MGAT4C: variants seen among roughly 807,000 people sequenced by gnomAD.
MGAT4C encodes the protein alpha-1,3-mannosyl-glycoprotein 4-beta-N-acetylglucosaminyltransferase C.
A neutral mutation model predicts 40.1 loss-of-function variants in MGAT4C; 19 were observed. The ratio of observed to expected loss-of-function variants is 0.47; its 90% CI spans 0.33 to 0.70. The LOEUF is 0.70. Among genes scored for constraint, MGAT4C ranks in the 30% least tolerant of loss-of-function variants. The probability of loss-of-function intolerance (pLI) is 0.02; values close to 1 mark genes in which losing one functional copy is unlikely to be tolerated. For synonymous variants in MGAT4C, 181 were observed against 187.1 expected (o/e 0.97, Z 0.27); for missense variants, 491 against 563.2 (o/e 0.87, Z 1.30).
At chr12:86,476,795 G>A (rs1957842463) in intron 2 of MGAT4C, among the ~76,000 whole-genome samples, 1 of 152,112 alleles carries the variant, frequency 6.6e-6, no homozygotes, top group African/African-American at 2.4e-5. Flanking sequence ...GATGGAACTG[G>A]AGGACACTGT....
At chr12:86,525,678 C>T (rs60091447) in intron 2 of MGAT4C, among the ~76,000 whole-genome samples, 69 of 152,240 alleles carry the variant, frequency 4.5e-4, no homozygotes, top group African/African-American at 1.7e-3. Flanking sequence ...ATTCAGCTGA[C>T]TGGCTTTATT....
intron 3 of MGAT4C, among the ~76,000 whole-genome samples, chr12:86,369,709 C>T (rs1955681130): frequency 6.6e-6 from 1 of 151,946 alleles, no homozygotes; most frequent in Admixed American, 6.6e-5. Flanking sequence ...CCTTTTTCAA[C>T]AGCATTGACA....
At chr12:86,277,980 T>C (rs1953118570) in intron 4 of MGAT4C, among the ~76,000 whole-genome samples, 1 of 152,186 alleles carries the variant, frequency 6.6e-6, no homozygotes, top group South Asian at 2.1e-4. Flanking sequence ...ACAGATTGCT[T>C]TGAGTAGTAT....
intron 2 of MGAT4C, among the ~76,000 whole-genome samples, chr12:86,589,781 T>C (rs1377037640): frequency 6.6e-6 from 1 of 151,982 alleles, no homozygotes; most frequent in Non-Finnish European, 1.5e-5. Context: ...CTCCAGCATA[T>C]AAACAGAACC....
chr12:86,232,603 A>C (rs1381512770), intron 1 of MGAT4C, among the ~76,000 whole-genome samples: 1 of 152,202 alleles, frequency 6.6e-6, no homozygotes, highest in African/African-American at 2.4e-5. Context: ...TGGTTGAATG[A>C]AATAAAACAT....
intron 2 of MGAT4C, among the ~76,000 whole-genome samples, chr12:86,640,900 T>C (rs1963360059): frequency 6.6e-6 from 1 of 151,996 alleles, no homozygotes; most frequent in Non-Finnish European, 1.5e-5. Flanking sequence ...AGTTTCCATG[T>C]AGTTGAGCGG....
At chr12:85,984,916 T>C (rs1335954436) in intron 3 of MGAT4C, among the ~76,000 whole-genome samples, 2 of 152,052 alleles carry the variant, frequency 1.3e-5, no homozygotes, top group African/African-American at 2.4e-5. Flanking sequence ...GTAGCTGGGA[T>C]TGCAGGCACA....
chr12:86,321,431 T>G (rs1376516910), intron 4 of MGAT4C, among the ~76,000 whole-genome samples: 2 of 152,198 alleles, frequency 1.3e-5, no homozygotes, highest in African/African-American at 4.8e-5. Flanking sequence ...CCAGACCAAA[T>G]GAAACTTTTC....
At chr12:86,713,218 A>G (rs1354194392) in intron 2 of MGAT4C, among the ~76,000 whole-genome samples, 1 of 152,058 alleles carries the variant, frequency 6.6e-6, no homozygotes. Flanking sequence ...GATGGTTTAC[A>G]TGTTGTTTTT....
At chr12:86,804,253 C>G (rs927196648) in intron 1 of MGAT4C, among the ~76,000 whole-genome samples, 3 of 124,422 alleles carry the variant, frequency 2.4e-5, no homozygotes, top group African/African-American at 9.3e-5. Context: ...ATATCACACT[C>G]TGGGGACTGT....
At chr12:86,551,227 G>A (rs1029405919) in intron 2 of MGAT4C, among the ~76,000 whole-genome samples, 1 of 152,104 alleles carries the variant, frequency 6.6e-6, no homozygotes, top group African/African-American at 2.4e-5. Flanking sequence ...TTCCCCTGGT[G>A]GTCAAGCCCT....
intron 1 of MGAT4C, among the ~76,000 whole-genome samples, chr12:86,217,121 G>GA (rs1950701720): frequency 1.3e-5 from 2 of 152,104 alleles, no homozygotes; most frequent in African/African-American, 4.8e-5. Context: ...GCCTAGCAAA[G>GA]AAACCAAAGG....
intron 1 of MGAT4C, among the ~76,000 whole-genome samples, chr12:86,135,881 T>G (rs1368302216): frequency 6.6e-6 from 1 of 152,242 alleles, no homozygotes; most frequent in East Asian, 1.9e-4. Flanking sequence ...ATGTGAAATC[T>G]GGATACAAGT....
At chr12:86,082,619 GCACAAAA>G (rs1871046228) in intron 1 of MGAT4C, among the ~76,000 whole-genome samples, 1 of 152,020 alleles carries the variant, frequency 6.6e-6, no homozygotes, top group South Asian at 2.1e-4. Context: ...GTAAGTTTCA[GCACAAAA>G]TGATCCAACA....
chr12:86,693,380 T>G (rs1950203533), intron 2 of MGAT4C, among the ~76,000 whole-genome samples: 1 of 152,178 alleles, frequency 6.6e-6, no homozygotes, highest in South Asian at 2.1e-4. Flanking sequence ...TCCACAAATA[T>G]TTTTAAACAA....
At chr12:86,624,418 C>T (rs1307155658) in intron 2 of MGAT4C, among the ~76,000 whole-genome samples, 1 of 152,054 alleles carries the variant, frequency 6.6e-6, no homozygotes, top group Admixed American at 6.6e-5. Flanking sequence ...TGAAAACTTG[C>T]CCCAACATAC....
At chr12:86,055,765 T>C (rs1355242923) in intron 1 of MGAT4C, among the ~76,000 whole-genome samples, 1 of 152,022 alleles carries the variant, frequency 6.6e-6, no homozygotes, top group African/African-American at 2.4e-5. Context: ...CATCCTAAAA[T>C]GGGTGAGGGT....
chr12:86,319,976 T>G (rs2136160512), intron 4 of MGAT4C, among the ~76,000 whole-genome samples: 1 of 152,304 alleles, frequency 6.6e-6, no homozygotes, highest in Admixed American at 6.5e-5. Context: ...AATTTAGTTT[T>G]ACAGAGAACC....
chr12:86,194,439 A>G (rs1949716795), intron 1 of MGAT4C, among the ~76,000 whole-genome samples: 1 of 151,410 alleles, frequency 6.6e-6, no homozygotes, highest in Admixed American at 6.6e-5. Context: ...AGGAGGCAGG[A>G]GAGTAGGAGC....
Sources: gnomAD v4.1 joint callset for allele counts (sites outside exome capture counted in the v4.1 genomes callset) on GRCh38, gnomAD v4.1.1 for gene constraint, MANE v1.5 for transcripts, NCBI Gene and HGNC (gene_info 2026-07-23, HGNC 2026-07-21) for gene names.